The following RPTOR variants were observed in gnomAD, a reference collection of about 807,000 sequenced individuals.
RPTOR encodes the protein regulatory-associated protein of mTOR.
A neutral mutation model predicts 169.9 loss-of-function variants in RPTOR; 21 were observed. That is an observed-to-expected ratio of 0.12 (90% CI 0.09 to 0.18). The LOEUF (loss-of-function observed/expected upper bound fraction) is 0.18. RPTOR is among the 10% of genes least tolerant of loss of function. RPTOR has a pLI of 1.00. For synonymous variants in RPTOR, 732 were observed against 753.2 expected (o/e 0.97, Z 0.46); for missense variants, 1,133 against 1,855.9 (o/e 0.61, Z 7.16).
At chr17:80,582,829 C>T (rs928571998) in intron 1 of RPTOR, among the ~76,000 whole-genome samples, 1 of 152,004 alleles carries the variant, frequency 6.6e-6, no homozygotes, top group Non-Finnish European at 1.5e-5. Context: ...CAGGCGTGAG[C>T]CACCGCGCAT....
intron 1 of RPTOR, among the ~76,000 whole-genome samples, chr17:80,594,078 C>G (rs182867029): frequency 6.6e-6 from 1 of 151,604 alleles, no homozygotes; most frequent in East Asian, 1.9e-4. Flanking sequence ...TCTTTCTCTT[C>G]TCTTCTCTTT....
chr17:80,576,567 C>T (rs1013677860), intron 1 of RPTOR, among the ~76,000 whole-genome samples: 3 of 152,200 alleles, frequency 2.0e-5, no homozygotes, highest in East Asian at 1.9e-4. Context: ...TTTGACTCTT[C>T]GCTCTCCTTT....
Position 80,926,414 on chromosome 17 carries a change from G to A in RPTOR, c.2919+934G>A, listed in dbSNP as rs143086779. On this transcript the variant is annotated intron_variant, in intron 24 of 33. Coordinates refer to ENST00000306801, the MANE Select transcript of RPTOR (RefSeq NM_020761.3). ...TGGCTGTTCTAGAAAGCGTCTTGCC[G>A]GGAAGCATCAAACGCCTTAAATAGC... Among the ~76,000 whole-genome samples, 306 of 152,314 alleles carry A rather than the reference G, an allele frequency of 2.0e-3. No individual in the cohort carries two copies. In the East Asian group the frequency reaches 0.022, roughly 11 times the overall value.
At chr17:80,893,932 CAGA>C in intron 20 of RPTOR, 67 bp downstream of exon 20, 2 of 1,442,994 alleles carry the variant, frequency 1.4e-6, no homozygotes, top group Non-Finnish European at 1.8e-6. Flanking sequence ...CAGAGCAGCA[CAGA>C]CCTGTGTCTG....
intron 8 of RPTOR, 50 bp downstream of exon 8, chr17:80,822,351 C>T (rs745493343): frequency 2.1e-5 from 32 of 1,553,194 alleles, no homozygotes; most frequent in Middle Eastern, 1.7e-4. Context: ...CTTGAGTGCG[C>T]GGGGAGCCGA....
intron 6 of RPTOR, among the ~76,000 whole-genome samples, chr17:80,779,483 T>G (rs1166850452): frequency 6.6e-6 from 1 of 152,216 alleles, no homozygotes; most frequent in Non-Finnish European, 1.5e-5. Context: ...CGTGCCTACG[T>G]GCACTGACGT....
chr17:80,916,519 G>T (rs570776084), intron 21 of RPTOR, among the ~76,000 whole-genome samples: 1 of 152,222 alleles, frequency 6.6e-6, no homozygotes. Context: ...TGTGAGATGC[G>T]GGCCAGCAGT....
rs2066025184 is a variant in RPTOR at position 80,695,075 on chromosome 17, G to A, written c.349-12766G>A. ...CATGGGCCTGTGCGGGGCTGGCTGT[G>A]TGGCCCCGTGAGGGTTACTGAACCT... On this transcript the variant is annotated intron_variant, in intron 3 of 33. Coordinates refer to ENST00000306801, the MANE Select transcript of RPTOR (RefSeq NM_020761.3). The surrounding 1 kb of genome is among the most constrained non-coding windows in gnomAD (Gnocchi z 4.9). Among the ~76,000 whole-genome samples, 1 of 152,158 alleles carries A rather than the reference G, an allele frequency of 6.6e-6. No individual in the cohort carries two copies. The highest frequency in any genetic ancestry group is 1.5e-5 in the Non-Finnish European group (1 of 68,024).
intron 3 of RPTOR, among the ~76,000 whole-genome samples, chr17:80,654,382 GC>G (rs1371755820): frequency 6.6e-6 from 1 of 152,212 alleles, no homozygotes; most frequent in African/African-American, 2.4e-5. Flanking sequence ...TGGGCTCTCG[GC>G]CCAGCACGTG....
intron 5 of RPTOR, among the ~76,000 whole-genome samples, chr17:80,749,588 G>A (rs924249781): frequency 3.3e-5 from 5 of 151,912 alleles, no homozygotes; most frequent in Admixed American, 1.3e-4. Flanking sequence ...TGGGTGGATG[G>A]AGGGGCTGCG....
At chr17:80,679,328 A>G (rs959135570) in intron 3 of RPTOR, among the ~76,000 whole-genome samples, 14 of 152,198 alleles carry the variant, frequency 9.2e-5, no homozygotes, top group Admixed American at 2.6e-4. Flanking sequence ...GGCTAGGCTC[A>G]CTTCCTGGAG....
chr17:80,933,737 C>G (rs1192406545), intron 24 of RPTOR, among the ~76,000 whole-genome samples: 1 of 152,188 alleles, frequency 6.6e-6, no homozygotes, highest in African/African-American at 2.4e-5. Flanking sequence ...ATTAAGATAC[C>G]ATGGCATTGG....
In RPTOR at chr17:80,823,495, G is replaced by T. The variant is rs946829318; in HGVS notation, c.1136+272G>T. 5 of 351,558 alleles carry T rather than the reference G, an allele frequency of 1.4e-5. No homozygotes were observed. The East Asian group carries it at 2.3e-4, about 16-fold the overall frequency. 21.8% of individuals were successfully genotyped at this position (351,558 alleles called of 1,614,324 possible). ...CCTCACAGCTCTGCAACTCGGGAGG[G>T]TAGCACTTTGCAAGAGAGTTTCTAA... On this transcript the variant is annotated intron_variant, in intron 9 of 33. Transcript: ENST00000306801. The surrounding 1 kb of genome is among the most constrained non-coding windows in gnomAD (Gnocchi z 4.5).
At chr17:80,897,432 A>G (rs145051839) in intron 20 of RPTOR, among the ~76,000 whole-genome samples, 46 of 152,216 alleles carry the variant, frequency 3.0e-4, no homozygotes, top group African/African-American at 1.0e-3. Flanking sequence ...TTCCCATTCT[A>G]TTCTAGTTAG....
chr17:80,921,377 G>A (rs1171317642), intron 21 of RPTOR, among the ~76,000 whole-genome samples: 2 of 152,164 alleles, frequency 1.3e-5, no homozygotes, highest in African/African-American at 2.4e-5. Flanking sequence ...CCTTCTGAAC[G>A]CGCACAGCCT....
chr17:80,821,878 G>C (rs1010323360), intron 7 of RPTOR, among the ~76,000 whole-genome samples: 2 of 152,226 alleles, frequency 1.3e-5, no homozygotes, highest in African/African-American at 4.8e-5. Flanking sequence ...ACGTGCCACA[G>C]ACTGCCCTTG....
chr17:80,893,730 C>T lies in RPTOR; in HGVS notation c.2266C>T (p.Pro756Ser). The T allele has an allele frequency of 6.2e-7, 1 of 1,609,850 alleles. No individual in the cohort carries two copies. Among genetic ancestry groups the T allele is most frequent in the Non-Finnish European group, 8.5e-7 (1 of 1,177,854 alleles). The change falls in exon 20 of 34, where the codon CCC (proline) becomes TCC (serine). Residue 756 changes from proline to serine, a missense_variant. Transcript: ENST00000306801. ...AGCTGGTGGCGCGGTGGCGTTCTCC[C>T]CCGGAAACCTCAGCACCAGCAGCAG... ...EESGGAVAFS[P>S]GNLSTSSSAS...
At chr17:80,549,299 A>G (rs2143202349) in intron 1 of RPTOR, among the ~76,000 whole-genome samples, 1 of 152,328 alleles carries the variant, frequency 6.6e-6, no homozygotes, top group Non-Finnish European at 1.5e-5. Context: ...CTAGACATAT[A>G]TGAATTGTAG....
At chr17:80,744,963 T>TAGCAGAGCCCTGGTTA (rs2066556563) in intron 5 of RPTOR, among the ~76,000 whole-genome samples, 1 of 89,542 alleles carries the variant, frequency 1.1e-5, no homozygotes, top group African/African-American at 5.9e-5. Context: ...AGCCCTGGCT[T>TAGCAGAGCCCTGGTTA]CTAGCAGAGC....
Sources: allele counts gnomAD v4.1 joint callset (sites outside exome capture counted in the v4.1 genomes callset), GRCh38; gene constraint gnomAD v4.1.1; non-coding constraint Gnocchi (gnomAD v3.1); transcripts MANE v1.5; gene names NCBI Gene and HGNC (gene_info 2026-07-23, HGNC 2026-07-21).